The following WIPF1 variants were observed in gnomAD, a reference collection of about 807,000 sequenced individuals.
The protein encoded by WIPF1 is WAS/WASL-interacting protein family member 1.
Under a neutral mutation model 35.4 loss-of-function variants are expected in WIPF1, and 13 were observed. The ratio of observed to expected loss-of-function variants is 0.37; its 90% confidence interval spans 0.24 to 0.58. The LOEUF is 0.58. Among genes scored for constraint, WIPF1 ranks in the 20% least tolerant of loss-of-function variants. WIPF1 has a pLI of 0.74. For synonymous variants in WIPF1, 267 were observed against 266.3 expected (o/e 1.00, Z -0.02); for missense variants, 591 against 667.0 (o/e 0.89, Z 1.25).
chr2:174,666,512 CCT>C (rs1331433792), intron 1 of WIPF1, among the ~76,000 whole-genome samples: 1 of 152,224 alleles, frequency 6.6e-6, no homozygotes, highest in Admixed American at 6.5e-5. Flanking sequence ...CCCTCTAGTT[CCT>C]CAAGCAAGCA....
At position 174,649,580 on chromosome 2, in the gene WIPF1, C is replaced by T. The variant is rs527966999; in HGVS notation, c.-39+33194G>A. Among the ~76,000 whole-genome samples the T allele has an allele frequency of 3.9e-5, 6 of 152,242 alleles. No homozygotes were observed. The East Asian group carries it at 1.2e-3, about 29-fold the overall frequency. Reference sequence around the variant, plus strand: ...CCCTGCCTTGCCTTTCCCAAGGAAACCCCAATAAAAGCTCTGGCCTAAATG... The same window carrying T: ...CCCTGCCTTGCCTTTCCCAAGGAAATCCCAATAAAAGCTCTGGCCTAAATG... On this transcript the variant is annotated intron_variant, in intron 1 of 8. Transcript: ENST00000272746.
chr2:174,657,835 G>A (rs937416948), intron 1 of WIPF1, among the ~76,000 whole-genome samples: 1 of 151,196 alleles, frequency 6.6e-6, no homozygotes, highest in African/African-American at 2.4e-5. Flanking sequence ...GCTTGAACCT[G>A]GGAGGTAGAG....
intron 1 of WIPF1, among the ~76,000 whole-genome samples, chr2:174,668,331 G>A (rs912129911): frequency 1.3e-5 from 2 of 152,180 alleles, no homozygotes; most frequent in South Asian, 2.1e-4. Context: ...CCTGCGAAAC[G>A]CAAGGTTGGG....
rs200995924 is a variant in WIPF1, at chr2:174,651,340, A to T, written c.-39+31434T>A. Among the ~76,000 whole-genome samples, 53 of 151,584 alleles carry T rather than the reference A, an allele frequency of 3.5e-4. No individual in the cohort carries two copies. In the East Asian group the frequency reaches 5.6e-3, roughly 16 times the overall value. ...ATGAATCAACACTACTATCTTTTTT[A>T]AAAAAAAACAACAAAGTACTTTTTT... is the stretch of plus-strand genomic sequence containing the variant. On this transcript the variant is annotated intron_variant, in intron 1 of 8. Transcript: ENST00000272746.
intron 1 of WIPF1, among the ~76,000 whole-genome samples, chr2:174,639,997 C>G (rs1574855551): frequency 6.6e-6 from 1 of 151,850 alleles, no homozygotes; most frequent in African/African-American, 2.4e-5. Context: ...TCATATTGTC[C>G]CTGTTTGCAG....
rs147837950 is a variant in WIPF1 at position 174,610,523 on chromosome 2, C to A, written c.-38-24912G>T. ...CATGTGGTTTATGTTTTGTAGGACA[C>A]CCTCAGGAAGATAAATGGACAAAGT... On this transcript the variant is annotated intron_variant, in intron 1 of 8. Coordinates refer to the WIPF1 transcript ENST00000272746. Among the ~76,000 whole-genome samples the A allele has an allele frequency of 4.0e-3, 615 of 152,104 alleles. 8 individuals are homozygous for A. The highest frequency in any genetic ancestry group is 0.014 in the African/African-American group (588 of 41,476).
At chr2:174,643,994 TGA>T (rs1424924085) in intron 1 of WIPF1, among the ~76,000 whole-genome samples, 2 of 152,240 alleles carry the variant, frequency 1.3e-5, no homozygotes, top group African/African-American at 2.4e-5. Context: ...TTTTAAACAA[TGA>T]GAGTCACTGA....
chr2:174,580,304 CAG>C (rs1310870522), intron 3 of WIPF1, among the ~76,000 whole-genome samples: 1 of 152,180 alleles, frequency 6.6e-6, no homozygotes, highest in Non-Finnish European at 1.5e-5. Flanking sequence ...TGCCCGGTAA[CAG>C]AACAACATTC....
At chr2:174,585,735 C>G (rs1409527504) in intron 1 of WIPF1, 124 bp from the exon 2 acceptor site, 4 of 690,504 alleles carry the variant, frequency 5.8e-6, no homozygotes, top group African/African-American at 3.7e-5. Flanking sequence ...GATGGGCTTA[C>G]CTTTACACCT....
intron 2 of WIPF1, 59 bp downstream of exon 2, chr2:174,585,464 G>A: frequency 7.7e-7 from 1 of 1,291,552 alleles, no homozygotes; most frequent in Non-Finnish European, 1.0e-6. Flanking sequence ...TGCACGCCAG[G>A]TTTTGGCTTC....
At chr2:174,565,877 AT>A (rs376168930) in intron 7 of WIPF1, among the ~76,000 whole-genome samples, 12 of 144,534 alleles carry the variant, frequency 8.3e-5, no homozygotes, top group Non-Finnish European at 1.2e-4. Context: ...CGTTGTATAC[AT>A]TTTTTTTTAT....
chr2:174,595,105 AAAAAATATATATATATAT>A (rs1476197525), intron 1 of WIPF1, among the ~76,000 whole-genome samples: 4 of 40,580 alleles, frequency 9.9e-5, no homozygotes, highest in African/African-American at 2.6e-4. Flanking sequence ...AAAAAAAAAA[AAAAAATATATATATATAT>A]ATATATATAT....
rs1004886221 is a variant in WIPF1, at chr2:174,567,197, C to T, written c.1343-14G>A. 1 of 1,608,128 alleles carries T rather than the reference C, an allele frequency of 6.2e-7. No homozygotes were observed. The highest frequency in any genetic ancestry group is 8.5e-7 in the Non-Finnish European group (1 of 1,174,600). On this transcript the variant is annotated splice_polypyrimidine_tract_variant and intron_variant, in intron 6 of 7. Coordinates refer to ENST00000679041, the MANE Select transcript of WIPF1 (RefSeq NM_001375834.1). ...TTTCCCACTCATCTGGGAAGAGAAA[C>T]AAGCAGTATCTTCAGTGACAGACAA...
chr2:174,674,019 T>C (rs754861330), intron 1 of WIPF1, among the ~76,000 whole-genome samples: 15 of 152,186 alleles, frequency 9.9e-5, no homozygotes, highest in Admixed American at 1.3e-4. Context: ...ATTTTGCTGA[T>C]TGATTTAGTT....
chr2:174,651,170 C>G (rs1042431679), intron 1 of WIPF1, among the ~76,000 whole-genome samples: 9 of 152,226 alleles, frequency 5.9e-5, no homozygotes, highest in Non-Finnish European at 1.0e-4. Flanking sequence ...CATTTCAGGT[C>G]AGCTGCTTCT....
chr2:174,614,510 G>A (rs1369077762), intron 1 of WIPF1, among the ~76,000 whole-genome samples: 1 of 151,868 alleles, frequency 6.6e-6, no homozygotes, highest in Non-Finnish European at 1.5e-5. Flanking sequence ...CTACGTAAGT[G>A]AGAAAAAAAA....
intron 1 of WIPF1, among the ~76,000 whole-genome samples, chr2:174,610,493 AACC>A (rs1686308203): frequency 6.6e-6 from 1 of 152,186 alleles, no homozygotes. Flanking sequence ...GGGGTATAAA[AACC>A]ACATGTGGTT....
At chr2:174,606,851 T>C (rs1012972866) in intron 1 of WIPF1, among the ~76,000 whole-genome samples, 2 of 152,172 alleles carry the variant, frequency 1.3e-5, no homozygotes, top group Non-Finnish European at 2.9e-5. Flanking sequence ...CCTTAGTCTG[T>C]TTTGTGCTGC....
intron 1 of WIPF1, among the ~76,000 whole-genome samples, chr2:174,674,961 A>G (rs1688098276): frequency 6.6e-6 from 1 of 150,432 alleles, no homozygotes; most frequent in Non-Finnish European, 1.5e-5. Context: ...TGTTCCAGGA[A>G]GAATGGTTGT....
Sources: allele counts gnomAD v4.1 joint callset (sites outside exome capture counted in the v4.1 genomes callset), GRCh38; gene constraint gnomAD v4.1.1; transcripts MANE v1.5; gene names NCBI Gene and HGNC (gene_info 2026-07-23, HGNC 2026-07-21).